Variants in DENND1B observed in about 807,000 individuals in gnomAD.
DENND1B encodes the protein DENN domain containing 1B, also known as DENN domain-containing protein 1B.
DENND1B carries 59 observed loss-of-function variants against 90.1 expected under a neutral mutation model. That is an observed-to-expected ratio of 0.65 (90% confidence interval 0.53 to 0.81). The LOEUF is 0.81. Among genes scored for constraint, DENND1B ranks in the 40% least tolerant of loss-of-function variants. DENND1B has a pLI of 0.00. For synonymous variants in DENND1B, 337 were observed against 324.6 expected (o/e 1.04, Z -0.41); for missense variants, 862 against 912.6 (o/e 0.94, Z 0.71).
chr1:197,768,040 G>T (rs1351247450), intron 2 of DENND1B, among the ~76,000 whole-genome samples: 1 of 152,168 alleles, frequency 6.6e-6, no homozygotes, highest in African/African-American at 2.4e-5. Context: ...TATATCATAA[G>T]ATTTTTGTGA....
intron 2 of DENND1B, among the ~76,000 whole-genome samples, chr1:197,744,330 C>A (rs1663502236): frequency 6.6e-6 from 1 of 152,094 alleles, no homozygotes; most frequent in Non-Finnish European, 1.5e-5. Context: ...GTATTTCTTA[C>A]ATTTAGACTT....
At chr1:197,776,430 G>A (rs1354052324), upstream of DENND1B, among the ~76,000 whole-genome samples, 2 of 152,120 alleles carry the variant, frequency 1.3e-5, no homozygotes, top group East Asian at 1.9e-4. Context: ...TCTTATGATG[G>A]ACATTCAAAT....
chr1:197,771,271 A>AT (rs1345189820), intron 2 of DENND1B, among the ~76,000 whole-genome samples: 1 of 152,156 alleles, frequency 6.6e-6, no homozygotes, highest in East Asian at 1.9e-4. Flanking sequence ...TGTGGTAGAT[A>AT]TTTTTTAGAT....
chr1:197,740,420 G>A (rs1422790167), intron 2 of DENND1B, among the ~76,000 whole-genome samples: 1 of 151,952 alleles, frequency 6.6e-6, no homozygotes, highest in African/African-American at 2.4e-5. Context: ...GCAGAGGGAT[G>A]AATAAAAAAG....
chr1:197,653,755 A>G (rs531823261), intron 6 of DENND1B, among the ~76,000 whole-genome samples: 2 of 152,200 alleles, frequency 1.3e-5, no homozygotes, highest in East Asian at 3.9e-4. Context: ...AAAGATACAC[A>G]CTATGGAGAT....
intron 11 of DENND1B, among the ~76,000 whole-genome samples, chr1:197,613,856 G>A (rs1677400774): frequency 6.6e-6 from 1 of 150,930 alleles, no homozygotes; most frequent in South Asian, 2.1e-4. Context: ...AAAAGCCCAT[G>A]CTGTCTGAAA....
rs1474059207 is a variant in DENND1B at position 197,534,783 on chromosome 1, C to T, written c.1515+5181G>A. The stretch of plus-strand genomic sequence containing the variant: ...CATGCTGATAACTAGACTTTAACCA[C>T]ATCCAAATATTTCTAGAAACATTAC... On this transcript the variant is annotated intron_variant, in intron 20 of 22. Coordinates refer to ENST00000620048, the MANE Select transcript of DENND1B (RefSeq NM_001195215.2). Among the ~76,000 whole-genome samples, 6 of 152,292 alleles carry T rather than the reference C, an allele frequency of 3.9e-5. No individual in the cohort carries two copies. In the East Asian group the frequency reaches 9.6e-4, roughly 24 times the overall value.
intron 15 of DENND1B, among the ~76,000 whole-genome samples, chr1:197,573,300 C>T (rs1673348585): frequency 2.0e-5 from 3 of 152,158 alleles, no homozygotes; most frequent in South Asian, 4.2e-4. Context: ...TCCCTCTACA[C>T]ACTGCTTTGA....
At chr1:197,756,575 CAAAAAAA>C (rs57605617) in intron 2 of DENND1B, among the ~76,000 whole-genome samples, 1 of 53,962 alleles carries the variant, frequency 1.9e-5, no homozygotes, top group East Asian at 5.7e-4. Context: ...GTCTCCATCT[CAAAAAAA>C]AAAAAAAAAA....
intron 2 of DENND1B, among the ~76,000 whole-genome samples, chr1:197,764,155 G>A (rs1420580800): frequency 3.3e-5 from 5 of 152,180 alleles, no homozygotes; most frequent in African/African-American, 9.7e-5. Flanking sequence ...TCAGGCTCTA[G>A]TACCATAGAG....
intron 10 of DENND1B, among the ~76,000 whole-genome samples, chr1:197,632,872 G>T (rs903235959): frequency 6.6e-6 from 1 of 151,130 alleles, no homozygotes; most frequent in Admixed American, 6.6e-5. Flanking sequence ...ATAACCAAAG[G>T]GAAACTGGGG....
At chr1:197,631,258 T>A (rs1206054315) in intron 10 of DENND1B, among the ~76,000 whole-genome samples, 2 of 152,104 alleles carry the variant, frequency 1.3e-5, no homozygotes, top group Non-Finnish European at 2.9e-5. Context: ...GGCAATCATT[T>A]TAAACAATAA....
chr1:197,653,335 T>C (rs1439572922), intron 6 of DENND1B, among the ~76,000 whole-genome samples: 1 of 152,104 alleles, frequency 6.6e-6, no homozygotes, highest in African/African-American at 2.4e-5. Context: ...GTGCAAGGAC[T>C]GCAAAATAAA....
chr1:197,734,727 A>C (rs1404742339), intron 2 of DENND1B: 1 of 984,170 alleles, frequency 1.0e-6, no homozygotes, highest in East Asian at 1.1e-4. Context: ...GAATTAAAGA[A>C]TACATCATTT....
At chr1:197,640,606 G>C (rs1417412062) in intron 10 of DENND1B, among the ~76,000 whole-genome samples, 1 of 151,994 alleles carries the variant, frequency 6.6e-6, no homozygotes, top group Admixed American at 6.6e-5. Flanking sequence ...AACCCTATGA[G>C]ATTAAGGCTA....
chr1:197,762,523 A>G (rs1191123531), intron 2 of DENND1B, among the ~76,000 whole-genome samples: 1 of 152,218 alleles, frequency 6.6e-6, no homozygotes, highest in African/African-American at 2.4e-5. Context: ...CAATTAACGC[A>G]TCTATCATCT....
chr1:197,646,776 T>G (rs561332549), intron 8 of DENND1B, among the ~76,000 whole-genome samples: 1 of 152,152 alleles, frequency 6.6e-6, no homozygotes, highest in South Asian at 2.1e-4. Flanking sequence ...GAATATACTT[T>G]AAAATTACTA....
intron 15 of DENND1B, among the ~76,000 whole-genome samples, chr1:197,557,499 C>T (rs996040746): frequency 3.3e-5 from 5 of 151,958 alleles, no homozygotes; most frequent in African/African-American, 7.2e-5. Flanking sequence ...GTCTTACTAA[C>T]CTTGTGATTT....
intron 14 of DENND1B, among the ~76,000 whole-genome samples, chr1:197,591,673 CATTATGAG>C (rs1675216551): frequency 6.6e-6 from 1 of 152,136 alleles, no homozygotes; most frequent in Non-Finnish European, 1.5e-5. Context: ...TTTATATACC[CATTATGAG>C]ATGCCTATAC....
Sources: allele counts gnomAD v4.1 joint callset (sites outside exome capture counted in the v4.1 genomes callset), GRCh38; gene constraint gnomAD v4.1.1; transcripts MANE v1.5; gene names NCBI Gene and HGNC (gene_info 2026-07-23, HGNC 2026-07-21).